The following TENM3 variants were observed in gnomAD, a reference collection of about 807,000 sequenced individuals.
TENM3 encodes the protein teneurin transmembrane protein 3.
In TENM3, 63 loss-of-function variants were observed where a neutral mutation model predicts 255.1. The ratio of observed to expected loss-of-function variants is 0.25; its 90% CI spans 0.20 to 0.30. The LOEUF is 0.30. Ranked by LOEUF, TENM3 falls within the 10% of genes least tolerant of loss-of-function variation. The pLI is 1.00. For synonymous variants in TENM3, 1,306 were observed against 1,322.3 expected (o/e 0.99, Z 0.27); for missense variants, 2,929 against 3,461.1 (o/e 0.85, Z 3.86).
the TENM3 span, among the ~76,000 whole-genome samples, chr4:182,080,213 G>A: frequency 2.6e-5 from 4 of 152,112 alleles, no homozygotes; most frequent in Non-Finnish European, 4.4e-5. Context: ...TCCACCTGAG[G>A]CCAGATGTGA....
upstream of TENM3, among the ~76,000 whole-genome samples, chr4:182,239,680 G>A (rs923311178): frequency 9.2e-5 from 14 of 152,076 alleles, no homozygotes; most frequent in African/African-American, 1.4e-4. Flanking sequence ...AAATAGGGGC[G>A]GAGACAGGGT....
intron 1 of TENM3, among the ~76,000 whole-genome samples, chr4:182,188,801 G>A (rs535148984): frequency 1.2e-4 from 18 of 152,242 alleles, no homozygotes; most frequent in Middle Eastern, 3.4e-3. Flanking sequence ...CTTCTCCAAA[G>A]CATCTGGCCC....
At chr4:181,605,456 G>A in the TENM3 span, among the ~76,000 whole-genome samples, 7 of 127,862 alleles carry the variant, frequency 5.5e-5, no homozygotes, top group East Asian at 1.6e-3. Context: ...GAAAGAAAGA[G>A]AGAGAGAGAG....
the TENM3 span, among the ~76,000 whole-genome samples, chr4:181,661,067 G>T: frequency 6.6e-6 from 1 of 152,096 alleles, no homozygotes; most frequent in Non-Finnish European, 1.5e-5. Flanking sequence ...TATGTAAATG[G>T]AAGAGACAAT....
At chr4:182,431,223 G>A (rs913162703) in intron 3 of TENM3, among the ~76,000 whole-genome samples, 2 of 151,854 alleles carry the variant, frequency 1.3e-5, no homozygotes, top group African/African-American at 2.4e-5. Flanking sequence ...GAGGCCGGGC[G>A]TGGGGGCTCA....
At chr4:182,198,218 A>G (rs1753952583) in intron 1 of TENM3, among the ~76,000 whole-genome samples, 2 of 152,236 alleles carry the variant, frequency 1.3e-5, no homozygotes, top group Non-Finnish European at 2.9e-5. Context: ...TATCTTCCCT[A>G]CACATTCTGC....
chr4:182,738,227 T>A (rs777394585), intron 17 of TENM3, among the ~76,000 whole-genome samples, 174 bp from the exon 18 acceptor site: 56 of 151,884 alleles, frequency 3.7e-4, no homozygotes, highest in Middle Eastern at 6.8e-3. Flanking sequence ...GATCTTTTTT[T>A]AAAAAAAAAT....
upstream of TENM3, chr4:182,141,731 A>G (rs1474064607): frequency 6.6e-6 from 1 of 152,254 alleles, no homozygotes; most frequent in Non-Finnish European, 1.5e-5. Context: ...GGCTAGAGAC[A>G]GGAGCCAAGA....
chr4:181,811,786 C>T, the TENM3 span, among the ~76,000 whole-genome samples: 4 of 152,164 alleles, frequency 2.6e-5, no homozygotes, highest in African/African-American at 9.6e-5. Context: ...TCCACCTGGC[C>T]CTGTCCTTGA....
At chr4:181,622,656 A>ACAGAGCAAGACTCCGTCTCAAAAAT in the TENM3 span, among the ~76,000 whole-genome samples, 2 of 152,322 alleles carry the variant, frequency 1.3e-5, no homozygotes, top group African/African-American at 4.8e-5. Flanking sequence ...AACCTGGGCA[A>ACAGAGCAAGACTCCGTCTCAAAAAT]CAGAGCAAGA....
chr4:182,619,093 A>G (rs994121267), intron 4 of TENM3, among the ~76,000 whole-genome samples: 2 of 152,150 alleles, frequency 1.3e-5, no homozygotes, highest in Admixed American at 1.3e-4. Flanking sequence ...TCAATTTGCA[A>G]CGTGACCCAT....
chr4:181,767,134 C>T, the TENM3 span, among the ~76,000 whole-genome samples: 2 of 146,944 alleles, frequency 1.4e-5, no homozygotes, highest in South Asian at 2.2e-4. Flanking sequence ...CGCCTGTAGT[C>T]CCAGCTACTC....
At chr4:181,629,378 A>C in the TENM3 span, among the ~76,000 whole-genome samples, 6 of 152,136 alleles carry the variant, frequency 3.9e-5, no homozygotes, top group African/African-American at 7.2e-5. Flanking sequence ...ACTGTGTTGA[A>C]TAGGAGTGGT....
the TENM3 span, among the ~76,000 whole-genome samples, chr4:182,054,437 C>T: frequency 7.9e-5 from 12 of 152,138 alleles, no homozygotes; most frequent in African/African-American, 2.7e-4. Flanking sequence ...CCAAGTGTGA[C>T]GTACTGTTAG....
the TENM3 span, among the ~76,000 whole-genome samples, chr4:181,451,629 T>A: frequency 6.6e-6 from 1 of 151,888 alleles, no homozygotes; most frequent in Non-Finnish European, 1.5e-5. Flanking sequence ...TCCAGCTGGA[T>A]CAGAAAGAGA....
At chr4:182,495,666 A>G (rs1405548390) in intron 3 of TENM3, among the ~76,000 whole-genome samples, 1 of 152,198 alleles carries the variant, frequency 6.6e-6, no homozygotes, top group Non-Finnish European at 1.5e-5. Context: ...GCTGCTCATT[A>G]TGTTAAACAG....
the TENM3 span, among the ~76,000 whole-genome samples, chr4:181,679,529 T>A: frequency 6.6e-6 from 1 of 152,266 alleles, no homozygotes; most frequent in South Asian, 2.1e-4. Context: ...ATATGTTGTA[T>A]AGCACTGGAA....
chr4:182,766,398 T>C (rs1032407903), intron 22 of TENM3, among the ~76,000 whole-genome samples: 1 of 152,010 alleles, frequency 6.6e-6, no homozygotes, highest in Non-Finnish European at 1.5e-5. Flanking sequence ...AAAGACAGAC[T>C]GTCTTAAACA....
At chr4:181,927,637 GAGC>G in the TENM3 span, among the ~76,000 whole-genome samples, 1 of 152,242 alleles carries the variant, frequency 6.6e-6, no homozygotes, top group African/African-American at 2.4e-5. Flanking sequence ...GCTCCGAAGA[GAGC>G]AGCAGCTCTC....
Sources: allele counts gnomAD v4.1 joint callset (sites outside exome capture counted in the v4.1 genomes callset), GRCh38; gene constraint gnomAD v4.1.1; transcripts MANE v1.5; gene names NCBI Gene and HGNC (gene_info 2026-07-23, HGNC 2026-07-21).